Variants in L3MBTL4 observed in about 807,000 individuals in gnomAD.
L3MBTL4 encodes the protein L3MBTL histone methyl-lysine binding protein 4.
L3MBTL4 carries 70 observed loss-of-function variants against 84.5 expected under a neutral mutation model. That is an observed-to-expected ratio of 0.83 (90% confidence interval 0.68 to 1.01). L3MBTL4 has a LOEUF of 1.01. Ranked by LOEUF, L3MBTL4 falls within the 50% of genes least tolerant of loss-of-function variation. The probability of loss-of-function intolerance (pLI) is 0.00; values close to 1 mark genes in which losing one functional copy is unlikely to be tolerated. For missense variants in L3MBTL4, 715 were observed against 754.8 expected, an observed-to-expected ratio of 0.95 and a Z score of 0.62; for synonymous variants, 274 against 259.8, an observed-to-expected ratio of 1.05 and a Z score of -0.52.
At chr18:6,409,554 C>G (rs1031124109) in intron 1 of L3MBTL4, among the ~76,000 whole-genome samples, 13 of 152,170 alleles carry the variant, frequency 8.5e-5, no homozygotes, top group Non-Finnish European at 1.6e-4. Flanking sequence ...CACAGAGGCT[C>G]TTGATGGCAC....
At chr18:6,027,902 A>G (rs2055586028) in intron 16 of L3MBTL4, among the ~76,000 whole-genome samples, 1 of 152,108 alleles carries the variant, frequency 6.6e-6, no homozygotes. Context: ...TTTCTCATAA[A>G]TTTGTTTAAG....
chr18:6,215,678 A>G, intron 11 of L3MBTL4, 72 bp downstream of exon 11: 1 of 711,574 alleles, frequency 1.4e-6, no homozygotes, highest in Non-Finnish European at 2.2e-6. Context: ...ATAATTTTAA[A>G]CTGCCAAATG....
At chr18:6,158,391 G>C (rs1007831607) in intron 13 of L3MBTL4, among the ~76,000 whole-genome samples, 1 of 152,200 alleles carries the variant, frequency 6.6e-6, no homozygotes, top group Non-Finnish European at 1.5e-5. Context: ...GAGCCATCTG[G>C]TAGAAGAGCA....
At chr18:6,343,147 G>A (rs1266593919) in intron 1 of L3MBTL4, among the ~76,000 whole-genome samples, 1 of 152,096 alleles carries the variant, frequency 6.6e-6, no homozygotes, top group Non-Finnish European at 1.5e-5. Context: ...TAGTAATAGG[G>A]AACTTTGATA....
intron 16 of L3MBTL4, among the ~76,000 whole-genome samples, chr18:6,005,341 G>A (rs1294293813): frequency 1.9e-5 from 1 of 53,398 alleles, no homozygotes; most frequent in African/African-American, 6.1e-5. Flanking sequence ...GTGAGACACT[G>A]TCTCACAAAC....
At chr18:6,031,632 G>A in intron 16 of L3MBTL4, 1 of 956,264 alleles carries the variant, frequency 1.0e-6, no homozygotes, top group Non-Finnish European at 1.2e-6. Flanking sequence ...GCCTTGGCTG[G>A]GATGACCAGG....
At chr18:6,373,596 C>T (rs1210850129) in intron 1 of L3MBTL4, among the ~76,000 whole-genome samples, 1 of 152,092 alleles carries the variant, frequency 6.6e-6, no homozygotes, top group Non-Finnish European at 1.5e-5. Flanking sequence ...ATGTACCCTG[C>T]CAACAAGGAA....
intron 1 of L3MBTL4, among the ~76,000 whole-genome samples, chr18:6,391,818 A>C (rs762106394): frequency 6.2e-5 from 9 of 145,246 alleles, no homozygotes; most frequent in Non-Finnish European, 1.2e-4. Context: ...GATCTCTACA[A>C]GGATAACTGC....
chr18:6,301,486 T>C (rs2050337243), intron 4 of L3MBTL4, among the ~76,000 whole-genome samples: 1 of 152,206 alleles, frequency 6.6e-6, no homozygotes, highest in Admixed American at 6.5e-5. Flanking sequence ...ATGAGGAGTA[T>C]TCATTTTAGA....
chr18:6,110,206 A>G (rs1160538084), intron 14 of L3MBTL4, among the ~76,000 whole-genome samples: 1 of 152,174 alleles, frequency 6.6e-6, no homozygotes, highest in Non-Finnish European at 1.5e-5. Context: ...TCAAAATTTA[A>G]TCCACTGGTA....
chr18:6,097,234 A>C (rs1054789490), intron 14 of L3MBTL4, among the ~76,000 whole-genome samples: 14 of 152,380 alleles, frequency 9.2e-5, no homozygotes, highest in African/African-American at 2.9e-4. Flanking sequence ...TTGCAGACAA[A>C]GTTTTAAAAG....
At chr18:6,202,950 G>C (rs749991014) in intron 12 of L3MBTL4, among the ~76,000 whole-genome samples, 1 of 152,202 alleles carries the variant, frequency 6.6e-6, no homozygotes, top group Non-Finnish European at 1.5e-5. Flanking sequence ...GGGAATGGAT[G>C]ACCTCACTTA....
intron 1 of L3MBTL4, among the ~76,000 whole-genome samples, chr18:6,409,853 C>A (rs1439221444): frequency 6.6e-6 from 1 of 152,160 alleles, no homozygotes; most frequent in Non-Finnish European, 1.5e-5. Context: ...TACACTTCTC[C>A]CCAGTCTTCC....
intron 18 of L3MBTL4, among the ~76,000 whole-genome samples, chr18:5,958,792 T>C (rs1436904547): frequency 1.3e-5 from 2 of 152,158 alleles, no homozygotes; most frequent in Non-Finnish European, 2.9e-5. Context: ...TAAATCTGTG[T>C]TTCAGAGAGG....
intron 1 of L3MBTL4, among the ~76,000 whole-genome samples, chr18:6,403,130 A>G (rs1400986082): frequency 2.0e-5 from 3 of 152,228 alleles, no homozygotes; most frequent in African/African-American, 7.2e-5. Flanking sequence ...TGCCTTTTGC[A>G]CAGCTGGAGC....
intron 3 of L3MBTL4, among the ~76,000 whole-genome samples, chr18:6,306,923 A>G (rs1473334702): frequency 6.6e-6 from 1 of 152,050 alleles, no homozygotes; most frequent in East Asian, 1.9e-4. Flanking sequence ...CCATGCCCCA[A>G]CCCCATCCAA....
At chr18:6,124,038 C>G (rs1307036136) in intron 14 of L3MBTL4, among the ~76,000 whole-genome samples, 1 of 152,142 alleles carries the variant, frequency 6.6e-6, no homozygotes, top group East Asian at 1.9e-4. Context: ...ATGGTAAGAA[C>G]AGAGGCCAGA....
At chr18:6,153,492 G>A (rs1260496336) in intron 13 of L3MBTL4, among the ~76,000 whole-genome samples, 1 of 152,058 alleles carries the variant, frequency 6.6e-6, no homozygotes, top group African/African-American at 2.4e-5. Context: ...ATGGAATTTG[G>A]ATAGCTCATT....
At chr18:6,331,909 A>G (rs1212491684) in intron 1 of L3MBTL4, among the ~76,000 whole-genome samples, 5 of 152,010 alleles carry the variant, frequency 3.3e-5, no homozygotes, top group African/African-American at 1.2e-4. Context: ...AATTAAGATA[A>G]CTTATATCCA....
Sources: gnomAD v4.1 joint callset for allele counts (sites outside exome capture counted in the v4.1 genomes callset) on GRCh38, gnomAD v4.1.1 for gene constraint, MANE v1.5 for transcripts, NCBI Gene and HGNC (gene_info 2026-07-23, HGNC 2026-07-21) for gene names.